CNGB1: variants seen among roughly 807,000 people sequenced by gnomAD.
CNGB1 encodes cyclic nucleotide-gated channel beta-1.
In CNGB1, 126 loss-of-function variants were observed where a neutral mutation model predicts 151.7. The observed-to-expected ratio is 0.83, with a 90% CI of 0.72 to 0.96. CNGB1 has a LOEUF of 0.96. CNGB1 is among the 40% of genes least tolerant of loss of function. The pLI is 0.00. For missense variants in CNGB1, 1,698 were observed against 1,627.0 expected (o/e 1.04, Z -0.75); for synonymous variants, 623 against 635.1 (o/e 0.98, Z 0.29).
intron 16 of CNGB1, among the ~76,000 whole-genome samples, 196 bp downstream of exon 16, chr16:57,939,234 G>A (rs560228517): frequency 4.6e-5 from 7 of 152,278 alleles, no homozygotes; most frequent in African/African-American, 1.7e-4. Flanking sequence ...CCTTTGAGAT[G>A]TATCAGTAGG....
intron 24 of CNGB1, among the ~76,000 whole-genome samples, 174 bp downstream of exon 24, chr16:57,912,756 G>T (rs1328221963): frequency 1.3e-5 from 2 of 150,200 alleles, no homozygotes; most frequent in Admixed American, 6.7e-5. Flanking sequence ...TTGTGTGTTG[G>T]GTGTGTGTAT....
At chr16:57,896,398 C>A (rs1165181460) in intron 31 of CNGB1, among the ~76,000 whole-genome samples, 1 of 152,124 alleles carries the variant, frequency 6.6e-6, no homozygotes, top group African/African-American at 2.4e-5. Flanking sequence ...CAAACCCCAA[C>A]TGAGGGGCAT....
chr16:57,904,590 T>A (rs1960488306), intron 26 of CNGB1, 144 bp downstream of exon 26: 7 of 1,134,218 alleles, frequency 6.2e-6, no homozygotes, highest in Non-Finnish European at 9.3e-6. Flanking sequence ...CAGGGACCAG[T>A]GCTCCAGGCT....
chr16:57,883,987 C>G lies in CNGB1; in HGVS notation c.*177G>C. 1 of 812,456 alleles carries G rather than the reference C, an allele frequency of 1.2e-6. No homozygotes were observed. Among genetic ancestry groups the G allele is most frequent in the Admixed American group, 2.3e-5 (1 of 43,304 alleles). The allele number at this position is 812,456 out of a possible 1,614,324, so 50.3% of individuals were successfully genotyped here. A position where few individuals can be genotyped will look rare whatever the true frequency, so the allele number is the denominator to read the frequency against. ...AGCTCAGGCCCAGCCCCGCGAGGAG[C>G]TGAGTCGGGGCTGGCGTGCTGGCGG... is the stretch of plus-strand genomic sequence containing the variant. On this transcript the variant is annotated 3_prime_UTR_variant, in exon 33 of 33. Coordinates refer to ENST00000251102, the MANE Select transcript of CNGB1 (RefSeq NM_001297.5).
intron 7 of CNGB1, among the ~76,000 whole-genome samples, chr16:57,962,024 A>T (rs1419658833): frequency 6.6e-6 from 1 of 152,180 alleles, no homozygotes; most frequent in Non-Finnish European, 1.5e-5. Context: ...AACCTGGAGG[A>T]TCTGGCCACA....
At chr16:57,899,900 C>T (rs1567367044) in intron 29 of CNGB1, among the ~76,000 whole-genome samples, 1 of 152,200 alleles carries the variant, frequency 6.6e-6, no homozygotes, top group Non-Finnish European at 1.5e-5. Flanking sequence ...AACCAGACAG[C>T]AGAGGGCGCC....
chr16:57,963,776 T>G, intron 4 of CNGB1: 3 of 305,048 alleles, frequency 9.8e-6, no homozygotes, highest in African/African-American at 2.1e-5. Context: ...CACTGTTTCT[T>G]TTGGTCACAT....
intron 14 of CNGB1, among the ~76,000 whole-genome samples, chr16:57,946,129 A>C (rs562753489): frequency 6.6e-6 from 1 of 152,284 alleles, no homozygotes; most frequent in South Asian, 2.1e-4. Context: ...AGGGATTTCC[A>C]AGCAAAGGAA....
At chr16:57,916,283 A>C in intron 21 of CNGB1, 104 bp from the exon 22 acceptor site, 1 of 1,110,132 alleles carries the variant, frequency 9.0e-7, no homozygotes, top group South Asian at 1.3e-5. Context: ...TGAAACGAGC[A>C]TAACAGCCCA....
chr16:57,957,229 G>A, intron 12 of CNGB1, 112 bp downstream of exon 12: 1 of 1,007,534 alleles, frequency 9.9e-7, no homozygotes, highest in Non-Finnish European at 1.6e-6. Flanking sequence ...GCCCCCCTGT[G>A]TGAGTCCAGG....
chr16:57,920,328 A>G, intron 19 of CNGB1, 59 bp downstream of exon 19: 1 of 1,598,248 alleles, frequency 6.3e-7, no homozygotes, highest in Non-Finnish European at 8.6e-7. Flanking sequence ...GTTGACAGGG[A>G]ACTTTGGAGG....
rs747968794 is a variant in CNGB1, at chr16:57,920,389, G to A, written c.1799C>T (p.Pro600Leu). Reference sequence around the variant, plus strand: ...ACCCCCTCCAGCTCCAGACTCACAGGGCTTGGGGCTCTCCTCATCAGAGGT... The same window carrying A: ...ACCCCCTCCAGCTCCAGACTCACAGAGCTTGGGGCTCTCCTCATCAGAGGT... ...DVTSDEESPK[P>L]SPAKKAPEPA... is the part of the protein sequence containing the mutation. Residue 600 changes from proline (P) to leucine (L), a missense_variant and splice_region_variant, in exon 19 of 33, where the codon CCC becomes CTC. Transcript: ENST00000251102. 26 of 1,614,006 alleles carry A rather than the reference G, an allele frequency of 1.6e-5. No homozygotes were observed. The highest frequency in any genetic ancestry group is 2.0e-5 in the Non-Finnish European group (24 of 1,180,040).
chr16:57,950,568 A>G, intron 12 of CNGB1, 28 bp from the exon 13 acceptor site: 1 of 1,613,578 alleles, frequency 6.2e-7, no homozygotes, highest in Non-Finnish European at 8.5e-7. Flanking sequence ...AGAGCCATTT[A>G]TGGGATGTGC....
Position 57,889,181 on chromosome 16 carries a change from G to A in CNGB1, c.3243-1107C>T, listed in dbSNP as rs146113873. Among the ~76,000 whole-genome samples the A allele has an allele frequency of 3.4e-3, 520 of 152,180 alleles. 3 individuals are homozygous for A. Among genetic ancestry groups the A allele is most frequent in the Middle Eastern group, 6.8e-3 (2 of 292 alleles). On this transcript the variant is annotated intron_variant, in intron 31 of 32. Coordinates refer to ENST00000251102, the MANE Select transcript of CNGB1 (RefSeq NM_001297.5). ...ATTTTTTATTTGATTTTTATTTTAA[G>A]TAATAGAGACGGGGTCTCCCTATGT...
intron 18 of CNGB1, 55 bp downstream of exon 18, chr16:57,923,218 A>AACCCCCC: frequency 9.2e-7 from 1 of 1,082,606 alleles, no homozygotes; most frequent in Non-Finnish European, 1.4e-6. Context: ...GCCCCCCCAC[A>AACCCCCC]TCCCCCACCC....
chr16:57,923,225 A>ACC, intron 18 of CNGB1, 48 bp downstream of exon 18: 1 of 1,048,326 alleles, frequency 9.5e-7, no homozygotes, highest in Admixed American at 1.9e-5. Flanking sequence ...CACATCCCCC[A>ACC]CCCTCCCCGC....
rs1961602836 is a variant in CNGB1 at position 57,939,428 on chromosome 16, A to G, written c.1372+2T>C. On this transcript the variant is annotated splice_donor_variant, in intron 16 of 32. Transcript: ENST00000251102. LOFTEE classifies it high-confidence loss of function. ...ACCCATCACCACCACCACCACACCT[A>G]CCTCCTGAACTGGCAGCCTCGGCCT... 3 of 1,613,722 alleles carry G rather than the reference A, an allele frequency of 1.9e-6. No individual in the cohort carries two copies. Among genetic ancestry groups the G allele is most frequent in the Non-Finnish European group, 2.5e-6 (3 of 1,179,956 alleles).
Position 57,883,996 on chromosome 16 carries a change from G to T in CNGB1, c.*168C>A. 1 of 912,640 alleles carries T rather than the reference G, an allele frequency of 1.1e-6. No homozygotes were observed. Among genetic ancestry groups the T allele is most frequent in the Non-Finnish European group, 1.7e-6 (1 of 583,720 alleles). The allele number at this position is 912,640 out of a possible 1,614,324, so 56.5% of individuals were successfully genotyped here. On this transcript the variant is annotated 3_prime_UTR_variant, in exon 33 of 33. Coordinates refer to ENST00000251102, the MANE Select transcript of CNGB1 (RefSeq NM_001297.5). ...CCAGCCCCGCGAGGAGCTGAGTCGG[G>T]GCTGGCGTGCTGGCGGGACGGTCAG... is the stretch of plus-strand genomic sequence containing the variant.
chr16:57,921,380 C>A (rs979259313), intron 18 of CNGB1, among the ~76,000 whole-genome samples: 14 of 152,004 alleles, frequency 9.2e-5, no homozygotes, highest in African/African-American at 3.1e-4. Context: ...CGCCACCAAG[C>A]CTGACTAATT....
Sources: gnomAD v4.1 joint callset for allele counts (sites outside exome capture counted in the v4.1 genomes callset) on GRCh38, gnomAD v4.1.1 for gene constraint, MANE v1.5 for transcripts, NCBI Gene and HGNC (gene_info 2026-07-23, HGNC 2026-07-21) for gene names.